Variants in TTC7B observed in about 807,000 individuals in gnomAD.
TTC7B encodes the protein tetratricopeptide repeat protein 7B.
TTC7B carries 28 observed loss-of-function variants against 106.8 expected under a neutral mutation model. The observed-to-expected ratio is 0.26, with a 90% confidence interval of 0.19 to 0.36. TTC7B has a LOEUF of 0.36. TTC7B is among the 10% of genes least tolerant of loss of function. The pLI is 1.00. For synonymous variants in TTC7B, 405 were observed against 430.6 expected (o/e 0.94, Z 0.74); for missense variants, 862 against 1,076.4 (o/e 0.80, Z 2.79).
Position 90,730,755 on chromosome 14 carries a change from G to A in TTC7B, c.577-559C>T, listed in dbSNP as rs1248584786. On this transcript the variant is annotated intron_variant, in intron 4 of 19. Coordinates refer to ENST00000328459, the MANE Select transcript of TTC7B (RefSeq NM_001010854.2). ...CTTTGCAACCTGGTGAGGTTGGGCT[G>A]CGTGGCAGTCCTCTATTCTCAAAGG... Among the ~76,000 whole-genome samples the A allele has an allele frequency of 2.0e-5, 3 of 152,218 alleles. 1 individual carries two copies. The highest frequency in any genetic ancestry group is 1.3e-4 in the Admixed American group (2 of 15,290).
At chr14:90,756,984 G>A (rs1012177135) in intron 3 of TTC7B, among the ~76,000 whole-genome samples, 3 of 152,062 alleles carry the variant, frequency 2.0e-5, no homozygotes, top group Non-Finnish European at 4.4e-5. Flanking sequence ...TGAGATGAGC[G>A]GCCACATGCA....
At chr14:90,544,937 G>A (rs1012785286) in intron 19 of TTC7B, among the ~76,000 whole-genome samples, 6 of 152,194 alleles carry the variant, frequency 3.9e-5, no homozygotes, top group Non-Finnish European at 8.8e-5. Flanking sequence ...TATAATTCAG[G>A]TCCCACTAGG....
chr14:90,722,167 G>A (rs913036563), intron 5 of TTC7B, among the ~76,000 whole-genome samples: 15 of 152,158 alleles, frequency 9.9e-5, no homozygotes, highest in South Asian at 4.1e-4. Flanking sequence ...GCAGGAAGGC[G>A]CCCTATATCT....
At chr14:90,609,174 C>T (rs1384236413) in intron 17 of TTC7B, among the ~76,000 whole-genome samples, 1 of 152,194 alleles carries the variant, frequency 6.6e-6, no homozygotes, top group Non-Finnish European at 1.5e-5. Context: ...GCCTGGTGTG[C>T]AGTCTAAGCC....
intron 5 of TTC7B, among the ~76,000 whole-genome samples, chr14:90,719,208 A>G (rs1248469345): frequency 6.6e-6 from 1 of 152,210 alleles, no homozygotes; most frequent in Non-Finnish European, 1.5e-5. Flanking sequence ...TGGGAGGTCA[A>G]GGCTGCAGTG....
In TTC7B at chr14:90,544,765, C is replaced by T. The variant is rs748329847; in HGVS notation, c.2311-3176G>A. ...GCCTGGAGAGATTATGGCAGGAGCTCGTCACACGCCTTCCTGGCATGGCTT... is the reference window on the plus strand; with the variant it reads ...GCCTGGAGAGATTATGGCAGGAGCTTGTCACACGCCTTCCTGGCATGGCTT... On this transcript the variant is annotated intron_variant, in intron 19 of 19. Coordinates refer to ENST00000328459, the MANE Select transcript of TTC7B (RefSeq NM_001010854.2). 5.3e-5 allele frequency among the ~76,000 whole-genome samples: 8 copies of T among 152,212 alleles called. 1 individual carries two copies. Among genetic ancestry groups the T allele is most frequent in the African/African-American group, 1.4e-4 (6 of 41,530 alleles).
chr14:90,803,498 G>A (rs981895535), intron 1 of TTC7B, among the ~76,000 whole-genome samples: 1 of 152,106 alleles, frequency 6.6e-6, no homozygotes, highest in Non-Finnish European at 1.5e-5. Flanking sequence ...CCCACTGCAG[G>A]GCTCCTGCTG....
intron 1 of TTC7B, among the ~76,000 whole-genome samples, chr14:90,789,140 C>A (rs145332899): frequency 0.019 from 2,919 of 152,222 alleles, 35 homozygotes; most frequent in Middle Eastern, 0.031. Flanking sequence ...TCGCTCTTGT[C>A]GCCCAGGCTG....
chr14:90,775,287 G>T (rs1160962189), intron 3 of TTC7B, among the ~76,000 whole-genome samples: 1 of 152,154 alleles, frequency 6.6e-6, no homozygotes, highest in Non-Finnish European at 1.5e-5. Context: ...GATCTGCCGG[G>T]CATTGTGCTA....
chr14:90,578,460 A>G lies in TTC7B; in HGVS notation c.2108-152T>C, dbSNP rs542708784. 1.0e-4 allele frequency: 82 copies of G among 787,556 alleles called. No homozygotes were observed. The African/African-American group carries it at 1.3e-3, about 13-fold the overall frequency. The allele number at this position is 787,556 out of a possible 1,614,324, so 48.8% of individuals were successfully genotyped here. A position where few individuals can be genotyped will look rare whatever the true frequency, so the allele number is the denominator to read the frequency against. On this transcript the variant is annotated intron_variant, in intron 18 of 19. Transcript: ENST00000328459. The surrounding 1 kb of genome is among the most constrained non-coding windows in gnomAD (Gnocchi z 4.7). The stretch of plus-strand genomic sequence containing the variant: ...CTCCAAGTGGAAACAGCTGCCGCTG[A>G]CAGTCCCTCCTGCCCACTCCTATAT...
chr14:90,660,514 C>T (rs1266909566), intron 9 of TTC7B, among the ~76,000 whole-genome samples: 1 of 151,886 alleles, frequency 6.6e-6, no homozygotes. Flanking sequence ...GGAGAGAAGG[C>T]TCACAGCAGG....
chr14:90,712,062 A>G (rs1216081563), intron 5 of TTC7B, among the ~76,000 whole-genome samples: 1 of 152,226 alleles, frequency 6.6e-6, no homozygotes, highest in Non-Finnish European at 1.5e-5. Context: ...GGACAAAAAA[A>G]TATATTATGT....
rs1437552338 is a variant in TTC7B, at chr14:90,539,995, T to C, written c.*1373A>G. 1 of 152,248 alleles carries C rather than the reference T, an allele frequency of 6.6e-6. No individual in the cohort carries two copies. Among genetic ancestry groups the C allele is most frequent in the East Asian group, 1.9e-4 (1 of 5,186 alleles). 9.4% of individuals were successfully genotyped at this position (152,248 alleles called of 1,614,324 possible). ...AGGAGGCTGCTTGGGCAGGACTGAA[T>C]TGCATGCTCCAATTCCAAAGCCCCA... On this transcript the variant is annotated 3_prime_UTR_variant, in exon 20 of 20. Transcript: ENST00000328459.
intron 5 of TTC7B, among the ~76,000 whole-genome samples, chr14:90,720,540 GT>G (rs1888853574): frequency 6.6e-6 from 1 of 152,108 alleles, no homozygotes; most frequent in African/African-American, 2.4e-5. Context: ...AGACCACATG[GT>G]GTGTTCCTGC....
intron 18 of TTC7B, among the ~76,000 whole-genome samples, chr14:90,589,180 A>G (rs544689268): frequency 3.3e-5 from 5 of 152,358 alleles, no homozygotes; most frequent in African/African-American, 9.6e-5. Context: ...AAGGCAATGG[A>G]CAAAACTTAT....
At chr14:90,548,100 G>A (rs1488051936) in intron 19 of TTC7B, among the ~76,000 whole-genome samples, 1 of 152,178 alleles carries the variant, frequency 6.6e-6, no homozygotes, top group Non-Finnish European at 1.5e-5. Context: ...TGCTCTCTAC[G>A]CCAGGGCATG....
At chr14:90,741,683 A>C (rs1442580724) in intron 4 of TTC7B, among the ~76,000 whole-genome samples, 1 of 152,228 alleles carries the variant, frequency 6.6e-6, no homozygotes, top group African/African-American at 2.4e-5. Flanking sequence ...AAAAAGAAAA[A>C]GGCCAATCAA....
At chr14:90,768,580 A>G (rs1890764332) in intron 3 of TTC7B, among the ~76,000 whole-genome samples, 2 of 152,190 alleles carry the variant, frequency 1.3e-5, no homozygotes, top group Admixed American at 1.3e-4. Context: ...AACCATATCA[A>G]CCAAGAATCC....
chr14:90,543,816 G>A (rs552348746), intron 19 of TTC7B, among the ~76,000 whole-genome samples: 2 of 152,318 alleles, frequency 1.3e-5, no homozygotes, highest in African/African-American at 4.8e-5. Flanking sequence ...GTGTGAGCAT[G>A]TCACTCACGA....
Sources: allele counts gnomAD v4.1 joint callset (sites outside exome capture counted in the v4.1 genomes callset), GRCh38; gene constraint gnomAD v4.1.1; non-coding constraint Gnocchi (gnomAD v3.1); transcripts MANE v1.5; gene names NCBI Gene and HGNC (gene_info 2026-07-23, HGNC 2026-07-21).